Variants in LMCD1 observed in about 807,000 individuals in gnomAD.
LMCD1 encodes LIM and cysteine-rich domains protein 1.
LMCD1 carries 32 observed loss-of-function variants against 42.7 expected under a neutral mutation model. The ratio of observed to expected loss-of-function variants is 0.75; its 90% CI spans 0.57 to 1.01. LMCD1 has a LOEUF of 1.01. Among genes scored for constraint, LMCD1 ranks in the 50% least tolerant of loss-of-function variants. LMCD1 has a pLI of 0.00. For synonymous variants in LMCD1, 178 were observed against 184.9 expected, an observed-to-expected ratio of 0.96 and a Z score of 0.30; for missense variants, 458 against 483.1, an observed-to-expected ratio of 0.95 and a Z score of 0.49.
intron 1 of LMCD1, among the ~76,000 whole-genome samples, chr3:8,525,235 T>C (rs1157584725): frequency 6.6e-6 from 1 of 152,218 alleles, no homozygotes; most frequent in Admixed American, 6.5e-5. Context: ...AGTTCTCTTC[T>C]GTGTTTCTAT....
At position 8,565,667 on chromosome 3, in the gene LMCD1, T is replaced by C. The variant is rs1559358963; in HGVS notation, c.939+20T>C. The C allele has an allele frequency of 6.4e-7, 1 of 1,567,676 alleles. No individual in the cohort carries two copies. The highest frequency in any genetic ancestry group is 8.6e-7 in the Non-Finnish European group (1 of 1,156,082). On this transcript the variant is annotated intron_variant, in intron 5 of 5. Coordinates refer to ENST00000157600, the MANE Select transcript of LMCD1 (RefSeq NM_014583.4). ...GATGAGGTGGGAGATAGCCGCGAGATGGGTTAGGGGGCTTGAGGGACACTG... is the reference window on the plus strand; with the variant it reads ...GATGAGGTGGGAGATAGCCGCGAGACGGGTTAGGGGGCTTGAGGGACACTG...
At chr3:8,518,705 G>C (rs1387120646) in intron 1 of LMCD1, among the ~76,000 whole-genome samples, 3 of 152,172 alleles carry the variant, frequency 2.0e-5, no homozygotes, top group African/African-American at 7.2e-5. Context: ...TGGAGATAAA[G>C]ATGAGAGCTG....
chr3:8,554,215 T>C (rs1248153977), intron 4 of LMCD1, among the ~76,000 whole-genome samples: 2 of 152,006 alleles, frequency 1.3e-5, no homozygotes, highest in Non-Finnish European at 1.5e-5. Context: ...GTGAGAGAGG[T>C]TGGGGTTGTG....
chr3:8,530,257 A>G (rs1162643940), intron 1 of LMCD1, among the ~76,000 whole-genome samples: 6 of 152,196 alleles, frequency 3.9e-5, no homozygotes, highest in Non-Finnish European at 2.9e-5. Context: ...AATGTGGGCA[A>G]CCCCAGTGCA....
rs74997575 is a variant in LMCD1 at position 8,501,915 on chromosome 3, G to A, written c.-24G>A. The A allele has an allele frequency of 8.7e-3, 13,830 of 1,583,122 alleles. 71 individuals are homozygous for A. Among genetic ancestry groups the A allele is most frequent in the Non-Finnish European group, 0.011 (12,263 of 1,166,148 alleles). ...CGCGCCTCTGCCTGAGAAGCCAGGC[G>A]CTGTTCCCCCACCCCAGAAGAGGAT... On this transcript the variant is annotated 5_prime_UTR_variant, in exon 1 of 6. Transcript: ENST00000157600.
chr3:8,536,067 G>A (rs1013972286), intron 2 of LMCD1, among the ~76,000 whole-genome samples: 16 of 152,162 alleles, frequency 1.1e-4, no homozygotes, highest in African/African-American at 2.4e-4. Flanking sequence ...CACAATCAAC[G>A]TTTGTGATAT....
chr3:8,517,670 T>G (rs1694124262), intron 1 of LMCD1, among the ~76,000 whole-genome samples: 1 of 152,188 alleles, frequency 6.6e-6, no homozygotes. Flanking sequence ...TAAAACGCCT[T>G]TATCATCCCA....
At chr3:8,549,104 C>T (rs375479880) in intron 4 of LMCD1, among the ~76,000 whole-genome samples, 15 of 152,312 alleles carry the variant, frequency 9.8e-5, no homozygotes, top group East Asian at 3.9e-4. Flanking sequence ...CCTTGAAAGG[C>T]TCATAGTCCA....
At chr3:8,562,484 T>C (rs1695057105) in intron 4 of LMCD1, among the ~76,000 whole-genome samples, 1 of 152,234 alleles carries the variant, frequency 6.6e-6, no homozygotes, top group South Asian at 2.1e-4. Context: ...GCTCTGTTTC[T>C]TGGCTGTGCC....
At position 8,539,837 on chromosome 3, in the gene LMCD1, ATTG is replaced by A. The variant is rs1574963139; in HGVS notation, c.387+2399_387+2401del. On this transcript the variant is annotated intron_variant, in intron 3 of 5. Transcript: ENST00000157600. ...TATTATTATTATTATTATTATTATT[ATTG>A]TACTTTAAGTTCTAGGGTACATGTG... Among the ~76,000 whole-genome samples, 4 of 141,134 alleles carry A rather than the reference ATTG, an allele frequency of 2.8e-5. No individual in the cohort carries two copies. In the South Asian group the frequency reaches 9.2e-4, roughly 32 times the overall value. 92.6% of individuals were successfully genotyped at this position (141,134 alleles called of 152,430 possible).
intron 1 of LMCD1, among the ~76,000 whole-genome samples, chr3:8,505,282 G>C (rs1167996883): frequency 6.6e-6 from 1 of 152,222 alleles, no homozygotes; most frequent in Admixed American, 6.5e-5. Flanking sequence ...ACCAAATGCT[G>C]TTGCCTTCAT....
chr3:8,525,986 C>T (rs1050581504), intron 1 of LMCD1, among the ~76,000 whole-genome samples: 1 of 152,188 alleles, frequency 6.6e-6, no homozygotes, highest in Non-Finnish European at 1.5e-5. Flanking sequence ...AAAGCGTGGT[C>T]CCTGGGACAG....
At chr3:8,550,106 T>C in intron 4 of LMCD1, 1 of 1,411,150 alleles carries the variant, frequency 7.1e-7, no homozygotes, top group Non-Finnish European at 9.2e-7. Context: ...GGGGCCATTT[T>C]GAGAAAACAG....
chr3:8,572,504 C>T lies in LMCD1; in HGVS notation c.*4906C>T, dbSNP rs1295430394. 2.6e-5 allele frequency: 4 copies of T among 152,130 alleles called. No homozygotes were observed. The highest frequency in any genetic ancestry group is 2.1e-4 in the South Asian group (1 of 4,824). The allele number at this position is 152,130 out of a possible 1,614,324, so 9.4% of individuals were successfully genotyped here. On this transcript the variant is annotated 3_prime_UTR_variant, in exon 6 of 6. Transcript: ENST00000157600. The stretch of plus-strand genomic sequence containing the variant: ...TTAGTATTCATTGACGTTTACTGAT[C>T]GAACTAATTATTATTATGATAGTTG...
At chr3:8,502,296 T>TTATATATTA (rs1693744126) in intron 1 of LMCD1, among the ~76,000 whole-genome samples, 4 of 14,272 alleles carry the variant, frequency 2.8e-4, no homozygotes, top group African/African-American at 1.3e-3. Context: ...ATAATATATA[T>TTATATATTA]TATATATAAT....
chr3:8,541,883 G>A (rs1471414007), intron 3 of LMCD1, among the ~76,000 whole-genome samples: 2 of 151,944 alleles, frequency 1.3e-5, no homozygotes, highest in Non-Finnish European at 2.9e-5. Flanking sequence ...AGCAACGTTT[G>A]TGAATAGGGA....
rs1010320827 is a variant in LMCD1 at position 8,501,830 on chromosome 3, G to A, written c.-109G>A. The A allele has an allele frequency of 7.9e-5, 73 of 923,162 alleles. 2 individuals carry two copies. Among genetic ancestry groups the A allele is most frequent in the Middle Eastern group, 2.9e-4 (1 of 3,470 alleles). 57.2% of individuals were successfully genotyped at this position (923,162 alleles called of 1,614,324 possible). A position where few individuals can be genotyped will look rare whatever the true frequency, so the allele number is the denominator to read the frequency against. On this transcript the variant is annotated 5_prime_UTR_variant, in exon 1 of 6. Coordinates refer to ENST00000157600, the MANE Select transcript of LMCD1 (RefSeq NM_014583.4). The stretch of plus-strand genomic sequence containing the variant: ...CCAGCTGCGCCTGGCTGCGCACAGA[G>A]CTCCCTCCCAGGCCCGCGAACTTGG...
At chr3:8,521,400 T>G (rs1473705117) in intron 1 of LMCD1, among the ~76,000 whole-genome samples, 5 of 152,212 alleles carry the variant, frequency 3.3e-5, no homozygotes, top group African/African-American at 1.2e-4. Flanking sequence ...TTTTTCAAAG[T>G]GACCCCAACT....
At chr3:8,539,765 C>T (rs1405820480) in intron 3 of LMCD1, among the ~76,000 whole-genome samples, 2 of 151,340 alleles carry the variant, frequency 1.3e-5, no homozygotes, top group African/African-American at 4.9e-5. Context: ...GATTGGACAA[C>T]TCCCCCTTCC....
Sources: allele counts gnomAD v4.1 joint callset (sites outside exome capture counted in the v4.1 genomes callset), GRCh38; gene constraint gnomAD v4.1.1; transcripts MANE v1.5; gene names NCBI Gene and HGNC (gene_info 2026-07-23, HGNC 2026-07-21).